Variants in RIN3 observed in about 807,000 individuals in gnomAD.
The protein encoded by RIN3 is Ras and Rab interactor 3, also known as RAB5 interacting protein 3.
RIN3 carries 54 observed loss-of-function variants against 76.3 expected under a neutral mutation model. That is an observed-to-expected ratio of 0.71 (90% confidence interval 0.57 to 0.89). The LOEUF (loss-of-function observed/expected upper bound fraction) is 0.89. Among genes scored for constraint, RIN3 ranks in the 40% least tolerant of loss-of-function variants. RIN3 has a pLI of 0.00. For synonymous variants in RIN3, 576 were observed against 564.0 expected (o/e 1.02, Z -0.30); for missense variants, 1,256 against 1,322.1 (o/e 0.95, Z 0.78).
intron 3 of RIN3, among the ~76,000 whole-genome samples, chr14:92,614,406 G>A (rs1417211738): frequency 6.6e-6 from 1 of 152,192 alleles, no homozygotes; most frequent in East Asian, 1.9e-4. Flanking sequence ...TGGGATGACT[G>A]TGATCTATTA....
chr14:92,595,251 A>G (rs943086816), intron 3 of RIN3, among the ~76,000 whole-genome samples: 32 of 152,324 alleles, frequency 2.1e-4, no homozygotes, highest in Admixed American at 1.8e-3. Context: ...CAGGAATGGC[A>G]TTGCAGGCAA....
intron 2 of RIN3, among the ~76,000 whole-genome samples, chr14:92,567,907 A>C: frequency 6.6e-6 from 1 of 152,322 alleles, no homozygotes; most frequent in Non-Finnish European, 1.5e-5. Context: ...AGCAATCTAT[A>C]ATAATAATTA....
chr14:92,680,200 C>CT (rs34005662), intron 8 of RIN3, among the ~76,000 whole-genome samples: 21,245 of 134,252 alleles, frequency 0.16, 1,950 homozygotes, highest in East Asian at 0.4. Context: ...CTCTCTGGCA[C>CT]TTTTTTTTTT....
At chr14:92,590,827 C>T (rs1483587248) in intron 3 of RIN3, among the ~76,000 whole-genome samples, 1 of 152,084 alleles carries the variant, frequency 6.6e-6, no homozygotes, top group East Asian at 1.9e-4. Flanking sequence ...GAGACTTACC[C>T]ATAGGATTTA....
chr14:92,529,107 A>G (rs540101653), intron 1 of RIN3, among the ~76,000 whole-genome samples: 5 of 152,304 alleles, frequency 3.3e-5, no homozygotes, highest in East Asian at 3.9e-4. Flanking sequence ...GCTCTGAGAT[A>G]GGGTTCATAT....
Position 92,688,202 on chromosome 14 carries a change from GGCGGCGGGAGCCCGCCCTGCCTGGTGGT to G in RIN3, c.2913_2940del (p.Gly972SerfsTer43), listed in dbSNP as rs769815846. ...GCCCCTGGACGGTGGTGGCGGCGGC[GGCGGCGGGAGCCCGCCCTGCCTGGTGGT>G]GCGGGAGCCCAACTTCCTGTGAGGC... On this transcript the variant is annotated frameshift_variant, in exon 10 of 10. Transcript: ENST00000216487. LOFTEE classifies it high-confidence loss of function. 44 of 1,606,410 alleles carry G rather than the reference GGCGGCGGGAGCCCGCCCTGCCTGGTGGT, an allele frequency of 2.7e-5. No individual in the cohort carries two copies. Among genetic ancestry groups the G allele is most frequent in the Middle Eastern group, 1.7e-4 (1 of 6,042 alleles).
chr14:92,599,559 C>T (rs959614304), intron 3 of RIN3, among the ~76,000 whole-genome samples: 2 of 152,060 alleles, frequency 1.3e-5, no homozygotes, highest in African/African-American at 2.4e-5. Context: ...GCGTCGGTGC[C>T]TGGGAGAAAG....
intron 1 of RIN3, among the ~76,000 whole-genome samples, chr14:92,531,391 T>C (rs1275897080): frequency 6.6e-6 from 1 of 152,236 alleles, no homozygotes; most frequent in Non-Finnish European, 1.5e-5. Context: ...CCACAGCGAC[T>C]TCATGCCTTA....
intron 1 of RIN3, among the ~76,000 whole-genome samples, chr14:92,555,488 C>T (rs1306006373): frequency 1.3e-5 from 2 of 152,304 alleles, no homozygotes; most frequent in East Asian, 1.9e-4. Flanking sequence ...TACCCCATCC[C>T]AACACACACA....
At chr14:92,634,629 G>A (rs1384368287) in intron 4 of RIN3, among the ~76,000 whole-genome samples, 1 of 151,962 alleles carries the variant, frequency 6.6e-6, no homozygotes, top group Non-Finnish European at 1.5e-5. Context: ...ACTTTGGGAG[G>A]CCGAATCACT....
intron 4 of RIN3, among the ~76,000 whole-genome samples, chr14:92,633,110 C>CT (rs1886649379): frequency 6.6e-6 from 1 of 152,116 alleles, no homozygotes; most frequent in Admixed American, 6.5e-5. Flanking sequence ...CAGGCAATGG[C>CT]TAGGGGAACC....
intron 3 of RIN3, among the ~76,000 whole-genome samples, chr14:92,591,646 C>T (rs1566857865): frequency 6.6e-6 from 1 of 151,806 alleles, no homozygotes; most frequent in African/African-American, 2.4e-5. Flanking sequence ...TCTGACTTCT[C>T]AGAAATCATG....
chr14:92,549,200 G>C (rs888233623), intron 1 of RIN3, among the ~76,000 whole-genome samples: 1 of 152,188 alleles, frequency 6.6e-6, no homozygotes, highest in Non-Finnish European at 1.5e-5. Flanking sequence ...GGGAGGCCAC[G>C]CTGCCTTGGG....
Position 92,685,264 on chromosome 14 carries a change from C to A in RIN3, c.2631+114C>A. The A allele has an allele frequency of 8.6e-7, 1 of 1,168,538 alleles. No homozygotes were observed. The highest frequency in any genetic ancestry group is 1.2e-6 in the Non-Finnish European group (1 of 844,448). The allele number at this position is 1,168,538 out of a possible 1,614,324, so 72.4% of individuals were successfully genotyped here. A position where few individuals can be genotyped will look rare whatever the true frequency, so the allele number is the denominator to read the frequency against. On this transcript the variant is annotated intron_variant, in intron 9 of 9. Coordinates refer to ENST00000216487, the MANE Select transcript of RIN3 (RefSeq NM_024832.5). The surrounding 1 kb of genome is among the most constrained non-coding windows in gnomAD (Gnocchi z 4.7). The stretch of plus-strand genomic sequence containing the variant: ...TGGCTGCTCCAGCCGCCCAGCCCTG[C>A]CTTAGGGGAGCAGTGAGACTCCCCA...
chr14:92,515,449 G>C (rs889519670), intron 1 of RIN3: 20 of 521,032 alleles, frequency 3.8e-5, no homozygotes, highest in Non-Finnish European at 6.1e-5. Context: ...TTCATTACTG[G>C]GTCGGTTATT....
intron 3 of RIN3, among the ~76,000 whole-genome samples, chr14:92,582,594 A>G (rs1884595631): frequency 6.6e-6 from 1 of 152,112 alleles, no homozygotes. Context: ...CTGGGACTAC[A>G]GGCATGCGCC....
intron 3 of RIN3, among the ~76,000 whole-genome samples, chr14:92,581,233 T>C (rs1279884455): frequency 6.6e-6 from 1 of 152,170 alleles, no homozygotes; most frequent in Non-Finnish European, 1.5e-5. Flanking sequence ...GCTGTGCTTA[T>C]GGTCTCCTGG....
In RIN3 at chr14:92,555,833, T is replaced by G; in HGVS notation, c.127T>G (p.Cys43Gly). ...TTGTCTGCCAGCCAACCCGAAAAAC[T>G]GCCTTCCTCACCGCCGGGGCATCAG... ...RLCLPANPKNCLPHRRGISIL... is the reference protein window; with the variant it reads ...RLCLPANPKNGLPHRRGISIL... Residue 43 changes from cysteine (C) to glycine (G), a missense_variant, in exon 2 of 10, where the codon TGC (cysteine) becomes GGC (glycine). Physicochemically the swap from Cys to Gly is radical, Grantham distance 159. Coordinates refer to ENST00000216487, the MANE Select transcript of RIN3 (RefSeq NM_024832.5). 6.2e-7 allele frequency: 1 copy of G among 1,614,166 alleles called. No individual in the cohort carries two copies. The highest frequency in any genetic ancestry group is 8.5e-7 in the Non-Finnish European group (1 of 1,180,020).
chr14:92,635,685 C>A (rs1356905341), intron 4 of RIN3, among the ~76,000 whole-genome samples: 1 of 152,000 alleles, frequency 6.6e-6, no homozygotes, highest in Non-Finnish European at 1.5e-5. Flanking sequence ...AAGCCCATCT[C>A]TACTAAAAAA....
Sources: allele counts gnomAD v4.1 joint callset (sites outside exome capture counted in the v4.1 genomes callset), GRCh38; gene constraint gnomAD v4.1.1; non-coding constraint Gnocchi (gnomAD v3.1); transcripts MANE v1.5; gene names NCBI Gene and HGNC (gene_info 2026-07-23, HGNC 2026-07-21).